Variants in DNAJB13 observed in about 807,000 individuals in gnomAD.
DNAJB13 encodes the protein dnaJ homolog subfamily B member 13.
DNAJB13 carries 22 observed loss-of-function variants against 35.6 expected under a neutral mutation model. The observed-to-expected ratio is 0.62, with a 90% CI of 0.44 to 0.88. The LOEUF is 0.88. DNAJB13 is among the 40% of genes least tolerant of loss of function. DNAJB13 has a pLI of 0.00. For missense variants in DNAJB13, 370 were observed against 384.3 expected, an observed-to-expected ratio of 0.96 and a Z score of 0.31; for synonymous variants, 136 against 144.2, an observed-to-expected ratio of 0.94 and a Z score of 0.41.
chr11:73,959,534 C>A lies in DNAJB13; in HGVS notation c.213C>A (p.Gly71=). 2 of 1,614,090 alleles carry A rather than the reference C, an allele frequency of 1.2e-6. No homozygotes were observed. The highest frequency in any genetic ancestry group is 1.7e-6 in the Non-Finnish European group (2 of 1,179,984). Reference sequence around the variant, plus strand: ...TCTACGACAAGTTTGGAGAAGAGGGCCTGAAGGGTGGGATTCCTTTGGAGT... The same window carrying A: ...TCTACGACAAGTTTGGAGAAGAGGGACTGAAGGGTGGGATTCCTTTGGAGT... ...RGIYDKFGEE[G]LKGGIPLEFG... The change falls in exon 3 of 8, where the codon GGC becomes GGA. Residue 71 remains glycine (G), a synonymous_variant. Transcript: ENST00000339764.
chr11:73,955,644 C>A (rs566109044), intron 1 of DNAJB13, among the ~76,000 whole-genome samples: 24 of 151,920 alleles, frequency 1.6e-4, no homozygotes, highest in Non-Finnish European at 4.4e-5. Context: ...ATGGCCAACA[C>A]GGCAAAAACC....
intron 4 of DNAJB13, 77 bp from the exon 5 acceptor site, chr11:73,966,061 A>G (rs1951105446): frequency 7.4e-7 from 1 of 1,359,182 alleles, no homozygotes; most frequent in African/African-American, 1.4e-5. Context: ...CTGAGTGTTC[A>G]TGAAAATCTG....
chr11:73,968,241 C>T (rs763039121), intron 5 of DNAJB13, 104 bp from the exon 6 acceptor site: 1 of 998,876 alleles, frequency 1.0e-6, no homozygotes, highest in Non-Finnish European at 1.6e-6. Flanking sequence ...CTGCTCTCAT[C>T]TCCCCATTGT....
intron 1 of DNAJB13, among the ~76,000 whole-genome samples, chr11:73,956,181 C>G (rs1280474775): frequency 6.6e-6 from 1 of 152,200 alleles, no homozygotes; most frequent in Non-Finnish European, 1.5e-5. Context: ...GAACACAGCA[C>G]TGCTGAGGAC....
chr11:73,958,277 G>A (rs375190890), intron 1 of DNAJB13, 40 bp from the exon 2 acceptor site: 2 of 1,604,964 alleles, frequency 1.2e-6, no homozygotes, highest in African/African-American at 1.3e-5. Context: ...CTCAGAAACA[G>A]ACCAGCTGAT....
chr11:73,965,208 G>GT, intron 4 of DNAJB13, 173 bp downstream of exon 4: 4 of 728,928 alleles, frequency 5.5e-6, no homozygotes, highest in Non-Finnish European at 8.5e-6. Context: ...GGAAGGGACA[G>GT]TTGAAGACAT....
At chr11:73,958,541 T>A in intron 2 of DNAJB13, 121 bp downstream of exon 2, 1 of 926,976 alleles carries the variant, frequency 1.1e-6, no homozygotes, top group Non-Finnish European at 1.6e-6. Context: ...GCCTAGAATC[T>A]AGACACACAG....
rs753652469 is a variant in DNAJB13 at position 73,969,995 on chromosome 11, A to C, written c.832A>C (p.Met278Leu). ...CTTCAAGAAGGTGCCAGGGGAGGGG[A>C]TGCCATTGCCGGAGGACCCCACTAA... is the stretch of plus-strand genomic sequence containing the variant. Reference protein sequence around the residue: ...KYFKKVPGEGMPLPEDPTKKG... With the variant: ...KYFKKVPGEGLPLPEDPTKKG... The change falls in exon 8 of 8, where the codon ATG becomes CTG. Residue 278 changes from methionine (M) to leucine (L), a missense_variant. By Grantham distance (15) the Met-to-Leu change is conservative. Coordinates refer to ENST00000339764, the MANE Select transcript of DNAJB13 (RefSeq NM_153614.4). 12 of 1,611,336 alleles carry C rather than the reference A, an allele frequency of 7.4e-6. No individual in the cohort carries two copies. The African/African-American group carries it at 1.1e-4, about 14-fold the overall frequency.
chr11:73,954,645 AAT>A (rs1205630564), intron 1 of DNAJB13, among the ~76,000 whole-genome samples: 3 of 138,114 alleles, frequency 2.2e-5, no homozygotes, highest in Middle Eastern at 3.8e-3. Flanking sequence ...AAAAAAATAA[AAT>A]AAATAAATAA....
At chr11:73,952,674 A>G (rs1194383817) in intron 1 of DNAJB13, among the ~76,000 whole-genome samples, 1 of 152,194 alleles carries the variant, frequency 6.6e-6, no homozygotes, top group Non-Finnish European at 1.5e-5. Flanking sequence ...CATCCAGGGA[A>G]AGGTAATCAG....
chr11:73,953,752 G>GGTA (rs1327969133), intron 1 of DNAJB13, among the ~76,000 whole-genome samples: 3 of 151,888 alleles, frequency 2.0e-5, no homozygotes, highest in Non-Finnish European at 2.9e-5. Context: ...TTTTAAAACA[G>GGTA]GTACTGAGTA....
At chr11:73,969,752 AG>A (rs1340742732) in intron 7 of DNAJB13, among the ~76,000 whole-genome samples, 1 of 150,372 alleles carries the variant, frequency 6.7e-6, no homozygotes, top group African/African-American at 2.5e-5. Context: ...TCTTAAACAA[AG>A]TTTCTGGAAT....
intron 6 of DNAJB13, 135 bp from the exon 7 acceptor site, chr11:73,969,111 A>G: frequency 1.9e-6 from 1 of 525,614 alleles, no homozygotes; most frequent in South Asian, 2.8e-5. Flanking sequence ...TCATTCACCT[A>G]TTAGTTATTG....
chr11:73,969,958 C>T lies in DNAJB13; in HGVS notation c.798-3C>T, dbSNP rs775907633. The T allele has an allele frequency of 1.0e-5, 16 of 1,605,586 alleles. No homozygotes were observed. The Admixed American group carries it at 2.7e-4, about 27-fold the overall frequency. The stretch of plus-strand genomic sequence containing the variant: ...TATGCTCCTTTCTTTCATCCTATTT[C>T]AGCCCCAAATACTTCAAGAAGGTGC... On this transcript the variant is annotated splice_region_variant and splice_polypyrimidine_tract_variant and intron_variant, in intron 7 of 7. Coordinates refer to ENST00000339764, the MANE Select transcript of DNAJB13 (RefSeq NM_153614.4).
Position 73,954,624 on chromosome 11 carries a change from C to T in DNAJB13, c.68+3487C>T, listed in dbSNP as rs181106112. Among the ~76,000 whole-genome samples, 433 of 136,042 alleles carry T rather than the reference C, an allele frequency of 3.2e-3. 3 individuals carry two copies. The highest frequency in any genetic ancestry group is 0.011 in the African/African-American group (380 of 34,222). The allele number at this position is 136,042 out of a possible 152,430, so 89.2% of individuals were successfully genotyped here. On this transcript the variant is annotated intron_variant, in intron 1 of 7. Transcript: ENST00000339764. ...CAGCCTGGGCAACAGAGTGAGACTC[C>T]GTCTCAAAAAAAAAAAATAAAATAA...
intron 3 of DNAJB13, 63 bp from the exon 4 acceptor site, chr11:73,964,815 G>GCCCCCC: frequency 1.0e-6 from 1 of 974,086 alleles, no homozygotes. Context: ...GTGTGTGTGC[G>GCCCCCC]CGCGCGCGCA....
At chr11:73,960,273 G>A (rs1453700711) in intron 3 of DNAJB13, among the ~76,000 whole-genome samples, 3 of 152,158 alleles carry the variant, frequency 2.0e-5, no homozygotes, top group Admixed American at 1.3e-4. Flanking sequence ...CGCCTCCGGG[G>A]TTCAAGCAGT....
intron 1 of DNAJB13, among the ~76,000 whole-genome samples, 182 bp downstream of exon 1, chr11:73,951,319 A>G (rs1165937500): frequency 6.6e-6 from 1 of 151,438 alleles, no homozygotes; most frequent in Non-Finnish European, 1.5e-5. Flanking sequence ...GGAAATTTGA[A>G]CTCTTTAGTT....
intron 1 of DNAJB13, among the ~76,000 whole-genome samples, chr11:73,952,672 G>A (rs1483645472): frequency 6.6e-6 from 1 of 152,208 alleles, no homozygotes; most frequent in Non-Finnish European, 1.5e-5. Context: ...CCCATCCAGG[G>A]AAAGGTAATC....
Sources: gnomAD v4.1 joint callset for allele counts (sites outside exome capture counted in the v4.1 genomes callset) on GRCh38, gnomAD v4.1.1 for gene constraint, MANE v1.5 for transcripts, NCBI Gene and HGNC (gene_info 2026-07-23, HGNC 2026-07-21) for gene names.